WWOX: variants seen among roughly 807,000 people sequenced by gnomAD.
WWOX encodes WW domain containing oxidoreductase.
Under a neutral mutation model 46.2 loss-of-function variants are expected in WWOX, and 69 were observed. That is an observed-to-expected ratio of 1.49 (90% CI 1.23 to 1.82). WWOX has a LOEUF of 1.82. WWOX is among the 40% of genes most tolerant of loss of function. The probability of loss-of-function intolerance (pLI) is 0.00; values close to 1 mark genes in which losing one functional copy is unlikely to be tolerated. For missense variants in WWOX, 919 were observed against 542.6 expected (o/e 1.69, Z -6.89); for synonymous variants, 359 against 202.6 (o/e 1.77, Z -6.56).
At chr16:78,667,931 C>T (rs1308070896) in intron 8 of WWOX, among the ~76,000 whole-genome samples, 1 of 152,116 alleles carries the variant, frequency 6.6e-6, no homozygotes, top group African/African-American at 2.4e-5. Flanking sequence ...CCCGTCACAT[C>T]ACACTCTGTG....
At chr16:79,124,476 G>A (rs916523292) in intron 8 of WWOX, among the ~76,000 whole-genome samples, 2 of 152,178 alleles carry the variant, frequency 1.3e-5, no homozygotes, top group Non-Finnish European at 2.9e-5. Flanking sequence ...GGAGGGTGGT[G>A]TGGCACAAAG....
At chr16:78,829,983 C>T (rs1042903400) in intron 8 of WWOX, among the ~76,000 whole-genome samples, 9 of 152,064 alleles carry the variant, frequency 5.9e-5, no homozygotes, top group Non-Finnish European at 8.8e-5. Flanking sequence ...TGGGGCCAGA[C>T]ACAGTGGCTC....
chr16:79,116,066 A>C (rs995044942), intron 8 of WWOX, among the ~76,000 whole-genome samples: 9 of 152,236 alleles, frequency 5.9e-5, no homozygotes, highest in African/African-American at 2.2e-4. Context: ...ATTGTAAGAA[A>C]ACAATGTACA....
chr16:78,692,119 A>G (rs1378865287), intron 8 of WWOX, among the ~76,000 whole-genome samples: 1 of 152,116 alleles, frequency 6.6e-6, no homozygotes, highest in Non-Finnish European at 1.5e-5. Flanking sequence ...AGTCTCAGGT[A>G]TGTCTTTATC....
chr16:78,206,112 G>T (rs2151781928), intron 5 of WWOX, among the ~76,000 whole-genome samples: 1 of 152,050 alleles, frequency 6.6e-6, no homozygotes, highest in Middle Eastern at 3.4e-3. Flanking sequence ...GATCTAGAAT[G>T]TCTAGGCTAA....
At chr16:78,992,273 C>G (rs543071982) in intron 8 of WWOX, among the ~76,000 whole-genome samples, 13 of 149,884 alleles carry the variant, frequency 8.7e-5, no homozygotes, top group African/African-American at 3.2e-4. Flanking sequence ...TCTGCCTGTA[C>G]AGTGTTCTGC....
intron 8 of WWOX, among the ~76,000 whole-genome samples, chr16:79,129,954 T>G (rs113130954): frequency 0.02 from 2,979 of 152,272 alleles, 100 homozygotes; most frequent in African/African-American, 0.066. Context: ...CTTTGCCACT[T>G]TAAGTCTCCG....
At chr16:78,808,572 C>T (rs2051103492) in intron 8 of WWOX, among the ~76,000 whole-genome samples, 1 of 152,126 alleles carries the variant, frequency 6.6e-6, no homozygotes, top group Non-Finnish European at 1.5e-5. Context: ...AAGTCAGTAG[C>T]CAACATTCTG....
chr16:78,234,053 G>A (rs2037357790), intron 5 of WWOX, among the ~76,000 whole-genome samples: 1 of 152,016 alleles, frequency 6.6e-6, no homozygotes, highest in Admixed American at 6.6e-5. Context: ...CGTGGGACCA[G>A]CATTTTAATT....
At chr16:78,465,349 A>G (rs996299246) in intron 8 of WWOX, among the ~76,000 whole-genome samples, 2 of 151,990 alleles carry the variant, frequency 1.3e-5, no homozygotes, top group African/African-American at 4.8e-5. Context: ...GTCTTTTGCT[A>G]TTTTCTTTTT....
intron 8 of WWOX, among the ~76,000 whole-genome samples, chr16:78,661,810 G>A (rs1300685801): frequency 6.6e-6 from 1 of 152,230 alleles, no homozygotes; most frequent in African/African-American, 2.4e-5. Flanking sequence ...GCCGAGGCCG[G>A]TGTATCGCCT....
At chr16:78,810,361 A>T (rs149951240) in intron 8 of WWOX, among the ~76,000 whole-genome samples, 1 of 152,194 alleles carries the variant, frequency 6.6e-6, no homozygotes, top group Non-Finnish European at 1.5e-5. Context: ...CGGTATATTT[A>T]TGTGGACACA....
intron 5 of WWOX, among the ~76,000 whole-genome samples, chr16:78,189,711 A>G (rs547077471): frequency 2.0e-5 from 3 of 152,072 alleles, no homozygotes; most frequent in African/African-American, 4.8e-5. Flanking sequence ...CTGGAGTGCA[A>G]TGGCGTGATC....
intron 8 of WWOX, among the ~76,000 whole-genome samples, chr16:78,442,829 A>G (rs1352961886): frequency 6.6e-6 from 1 of 152,028 alleles, no homozygotes; most frequent in African/African-American, 2.4e-5. Flanking sequence ...AAAAGATACA[A>G]AAAAATTGGC....
At chr16:78,990,346 C>G (rs1035281007) in intron 8 of WWOX, among the ~76,000 whole-genome samples, 1 of 152,096 alleles carries the variant, frequency 6.6e-6, no homozygotes, top group African/African-American at 2.4e-5. Flanking sequence ...CTCCTTGTGC[C>G]TTGAGAAGGG....
intron 8 of WWOX, among the ~76,000 whole-genome samples, chr16:79,157,484 A>G (rs1424123571): frequency 6.6e-6 from 1 of 152,056 alleles, no homozygotes; most frequent in African/African-American, 2.4e-5. Context: ...GTGTAAAGGA[A>G]GGTTGAACTA....
chr16:78,373,556 T>C (rs13337989), intron 5 of WWOX, among the ~76,000 whole-genome samples: 92,606 of 151,962 alleles, frequency 0.61, 29,871 homozygotes, highest in Non-Finnish European at 0.71. Flanking sequence ...CTTTTTCCTA[T>C]GCTGTGGAAA....
intron 8 of WWOX, among the ~76,000 whole-genome samples, chr16:78,780,804 G>A (rs1022737168): frequency 6.6e-6 from 1 of 152,196 alleles, no homozygotes; most frequent in East Asian, 1.9e-4. Flanking sequence ...ATAGGGGATC[G>A]TGGTGGATAC....
intron 8 of WWOX, among the ~76,000 whole-genome samples, chr16:78,805,481 C>T (rs990933735): frequency 1.3e-5 from 2 of 151,170 alleles, no homozygotes; most frequent in Non-Finnish European, 2.9e-5. Flanking sequence ...GTCAGGGTTT[C>T]ACAGTGTTAT....
Sources: gnomAD v4.1 joint callset for allele counts (sites outside exome capture counted in the v4.1 genomes callset) on GRCh38, gnomAD v4.1.1 for gene constraint, MANE v1.5 for transcripts, NCBI Gene and HGNC (gene_info 2026-07-23, HGNC 2026-07-21) for gene names.